TENM4: variants seen among roughly 807,000 people sequenced by gnomAD.
The protein encoded by TENM4 is teneurin transmembrane protein 4.
Under a neutral mutation model 243.3 loss-of-function variants are expected in TENM4, and 82 were observed. The observed-to-expected ratio is 0.34, with a 90% CI of 0.28 to 0.40. The LOEUF (loss-of-function observed/expected upper bound fraction) is 0.40. TENM4 is among the 10% of genes least tolerant of loss of function. TENM4 has a pLI of 1.00. For synonymous variants in TENM4, 1,412 were observed against 1,456.3 expected, an observed-to-expected ratio of 0.97 and a Z score of 0.69; for missense variants, 3,138 against 3,673.3, an observed-to-expected ratio of 0.85 and a Z score of 3.77.
chr11:79,035,979 GT>G (rs1437872827), intron 6 of TENM4, among the ~76,000 whole-genome samples: 1 of 152,168 alleles, frequency 6.6e-6, no homozygotes, highest in Non-Finnish European at 1.5e-5. Flanking sequence ...TAGATCTACT[GT>G]TTTATTTCCC....
At chr11:78,770,251 A>G (rs1224990923) in intron 18 of TENM4, among the ~76,000 whole-genome samples, 1 of 152,228 alleles carries the variant, frequency 6.6e-6, no homozygotes, top group Non-Finnish European at 1.5e-5. Context: ...CAACAGAAAA[A>G]TGAAGGCTAA....
chr11:78,805,277 T>TGCCCCCCCAA lies in TENM4; in HGVS notation c.2179+14_2179+15insTTGGGGGGGC. Reference sequence around the variant, plus strand: ...CCCCTCCCTCTACCCATGCTTCTTCTCCCCCTGCATTTACCGATAGAACAG... The same window carrying TGCCCCCCCAA: ...CCCCTCCCTCTACCCATGCTTCTTCTGCCCCCCCAACCCCCTGCATTTACCGATAGAACAG... On this transcript the variant is annotated intron_variant, in intron 15 of 33. Coordinates refer to ENST00000278550, the MANE Select transcript of TENM4 (RefSeq NM_001098816.3). The TGCCCCCCCAA allele has an allele frequency of 7.1e-7, 1 of 1,402,550 alleles. No individual in the cohort carries two copies. The highest frequency in any genetic ancestry group is 9.7e-7 in the Non-Finnish European group (1 of 1,033,116). 86.9% of individuals were successfully genotyped at this position (1,402,550 alleles called of 1,614,324 possible).
intron 4 of TENM4, among the ~76,000 whole-genome samples, chr11:79,135,357 T>C (rs1388830622): frequency 2.6e-5 from 4 of 151,784 alleles, no homozygotes; most frequent in East Asian, 1.9e-4. Context: ...CCAGTAGATA[T>C]TGGTGTGGAT....
At chr11:78,887,059 C>A (rs935941668) in intron 9 of TENM4, among the ~76,000 whole-genome samples, 2 of 152,234 alleles carry the variant, frequency 1.3e-5, no homozygotes, top group African/African-American at 2.4e-5. Context: ...TGTCCTATCA[C>A]TGCTTAAAAC....
chr11:79,337,162 A>G (rs930296643), intron 1 of TENM4, among the ~76,000 whole-genome samples: 1 of 152,246 alleles, frequency 6.6e-6, no homozygotes, highest in East Asian at 1.9e-4. Context: ...AATTTACCAA[A>G]GCCTTCTGTA....
intron 4 of TENM4, among the ~76,000 whole-genome samples, chr11:79,135,483 A>G (rs950350257): frequency 3.3e-5 from 5 of 152,078 alleles, no homozygotes; most frequent in African/African-American, 1.2e-4. Flanking sequence ...CATTTGACCA[A>G]TGAATCCCAC....
intron 1 of TENM4, among the ~76,000 whole-genome samples, chr11:79,375,900 G>A (rs549552253): frequency 1.1e-3 from 175 of 152,298 alleles, no homozygotes; most frequent in Non-Finnish European, 2.0e-3. Context: ...AGCATTGTGG[G>A]ATCACCACAG....
At chr11:78,803,364 G>A (rs1272609066) in intron 15 of TENM4, among the ~76,000 whole-genome samples, 1 of 152,266 alleles carries the variant, frequency 6.6e-6, no homozygotes, top group Admixed American at 6.5e-5. Flanking sequence ...TATAACTCCA[G>A]AAGGTAGGTA....
At chr11:79,395,669 C>G (rs1333395260) in intron 1 of TENM4, among the ~76,000 whole-genome samples, 1 of 152,174 alleles carries the variant, frequency 6.6e-6, no homozygotes, top group South Asian at 2.1e-4. Flanking sequence ...GGATTTTACT[C>G]AGAATTCCCC....
chr11:79,321,238 C>T (rs11237785), intron 1 of TENM4, among the ~76,000 whole-genome samples: 12 of 152,162 alleles, frequency 7.9e-5, no homozygotes, highest in Non-Finnish European at 1.5e-5. Context: ...ACCAAAACAA[C>T]TAATGAGATG....
At chr11:78,662,719 T>C (rs1219458989) in intron 32 of TENM4, among the ~76,000 whole-genome samples, 1 of 152,216 alleles carries the variant, frequency 6.6e-6, no homozygotes, top group Non-Finnish European at 1.5e-5. Context: ...ATCTTCTATG[T>C]GCCCAGGACT....
chr11:78,778,493 T>C, intron 17 of TENM4, 109 bp downstream of exon 17: 3 of 1,214,584 alleles, frequency 2.5e-6, no homozygotes, highest in South Asian at 1.4e-5. Flanking sequence ...CTTCCAGACA[T>C]CATGCTTATG....
At chr11:78,754,131 T>G (rs929046689) in intron 19 of TENM4, among the ~76,000 whole-genome samples, 2 of 152,232 alleles carry the variant, frequency 1.3e-5, no homozygotes, top group Non-Finnish European at 2.9e-5. Context: ...CCTGGAGGAC[T>G]TGGTTTACAG....
intron 6 of TENM4, among the ~76,000 whole-genome samples, chr11:78,991,666 T>C (rs565485659): frequency 1.3e-5 from 2 of 152,320 alleles, no homozygotes; most frequent in South Asian, 4.1e-4. Context: ...CATTTCCCCA[T>C]GTGGCCTCTC....
chr11:78,830,003 G>A (rs1857941517), intron 12 of TENM4, among the ~76,000 whole-genome samples: 1 of 152,180 alleles, frequency 6.6e-6, no homozygotes, highest in African/African-American at 2.4e-5. Context: ...CAGACACAGT[G>A]AGTCCGTGTG....
At chr11:79,414,307 C>G (rs1448191592) in intron 1 of TENM4, among the ~76,000 whole-genome samples, 1 of 152,200 alleles carries the variant, frequency 6.6e-6, no homozygotes, top group Non-Finnish European at 1.5e-5. Flanking sequence ...ACTGGAAGAC[C>G]TGGATTCAAC....
intron 3 of TENM4, among the ~76,000 whole-genome samples, chr11:79,168,102 G>T (rs1464606963): frequency 6.6e-6 from 1 of 152,258 alleles, no homozygotes; most frequent in Non-Finnish European, 1.5e-5. Context: ...GCTGAAGTCT[G>T]CTGCTGGCAG....
chr11:79,094,249 T>C (rs1044765843), intron 4 of TENM4, among the ~76,000 whole-genome samples: 15 of 152,154 alleles, frequency 9.9e-5, no homozygotes, highest in African/African-American at 3.4e-4. Flanking sequence ...AGAGAACACT[T>C]CCTGAGTGCC....
At chr11:78,871,404 G>T (rs201391605) in intron 9 of TENM4, among the ~76,000 whole-genome samples, 1 of 152,224 alleles carries the variant, frequency 6.6e-6, no homozygotes, top group East Asian at 1.9e-4. Context: ...ATGAAGTGAG[G>T]ACATATCAGG....
Sources: gnomAD v4.1 joint callset for allele counts (sites outside exome capture counted in the v4.1 genomes callset) on GRCh38, gnomAD v4.1.1 for gene constraint, MANE v1.5 for transcripts, NCBI Gene and HGNC (gene_info 2026-07-23, HGNC 2026-07-21) for gene names.